Variants in SLC1A2 observed in about 807,000 individuals in gnomAD.
SLC1A2 encodes solute carrier family 1 member 2, also known as excitatory amino acid transporter 2.
SLC1A2 carries 15 observed loss-of-function variants against 48.8 expected under a neutral mutation model. That is an observed-to-expected ratio of 0.31 (90% confidence interval 0.21 to 0.47). The LOEUF (loss-of-function observed/expected upper bound fraction) is 0.47, where lower values mean the gene tolerates loss of function less well. Ranked by LOEUF, SLC1A2 falls within the 20% of genes least tolerant of loss-of-function variation. The pLI is 0.99. For synonymous variants in SLC1A2, 279 were observed against 272.6 expected, an observed-to-expected ratio of 1.02 and a Z score of -0.23; for missense variants, 502 against 730.5, an observed-to-expected ratio of 0.69 and a Z score of 3.61.
chr11:35,347,835 A>G (rs1853096740), intron 1 of SLC1A2, among the ~76,000 whole-genome samples: 1 of 152,216 alleles, frequency 6.6e-6, no homozygotes, highest in Admixed American at 6.5e-5. Flanking sequence ...GGCCTCCAAA[A>G]GAGCTGAGTT....
intron 8 of SLC1A2, chr11:35,281,869 T>C (rs1021647739): frequency 3.9e-5 from 6 of 152,142 alleles, no homozygotes; most frequent in African/African-American, 1.2e-4. Flanking sequence ...TATCCAAGAG[T>C]ACTTTGGAAA....
chr11:35,402,949 C>A (rs1023008114), intron 1 of SLC1A2, among the ~76,000 whole-genome samples: 2 of 152,230 alleles, frequency 1.3e-5, no homozygotes, highest in Non-Finnish European at 2.9e-5. Flanking sequence ...TCACCTGTGG[C>A]TCTATGGAAA....
intron 3 of SLC1A2, among the ~76,000 whole-genome samples, chr11:35,314,785 CTT>C (rs5791048): frequency 1.4e-5 from 2 of 141,050 alleles, no homozygotes; most frequent in Admixed American, 7.1e-5. Context: ...CTTTTCTTTT[CTT>C]TTTTTTTTTT....
intron 9 of SLC1A2, among the ~76,000 whole-genome samples, chr11:35,272,129 G>A (rs192580533): frequency 1.1e-3 from 160 of 152,228 alleles, no homozygotes; most frequent in African/African-American, 3.5e-3. Context: ...GAGGTTGGTG[G>A]GGAAGAAGTA....
chr11:35,290,166 G>T (rs1242852984), intron 7 of SLC1A2, among the ~76,000 whole-genome samples: 1 of 152,130 alleles, frequency 6.6e-6, no homozygotes, highest in East Asian at 1.9e-4. Flanking sequence ...ATCTGGTAAT[G>T]TGCTTCAAAA....
chr11:35,362,849 C>G (rs1923297), intron 1 of SLC1A2, among the ~76,000 whole-genome samples: 6,001 of 152,288 alleles, frequency 0.039, 405 homozygotes, highest in African/African-American at 0.14. Flanking sequence ...GCAGCATCTA[C>G]TCCCCCTTTT....
intron 9 of SLC1A2, among the ~76,000 whole-genome samples, chr11:35,270,442 A>G (rs1044525950): frequency 1.3e-5 from 2 of 152,250 alleles, no homozygotes; most frequent in African/African-American, 4.8e-5. Context: ...AGAAAACATC[A>G]ACTCTAATAG....
At chr11:35,306,563 A>T (rs61880962) in intron 4 of SLC1A2, among the ~76,000 whole-genome samples, 35,737 of 152,122 alleles carry the variant, frequency 0.23, 4,586 homozygotes, top group Admixed American at 0.29. Context: ...AAGGTGTCTA[A>T]CATCTGAGTA....
chr11:35,279,699 C>T (rs544740108), intron 9 of SLC1A2, among the ~76,000 whole-genome samples: 4 of 152,302 alleles, frequency 2.6e-5, no homozygotes, highest in Admixed American at 1.3e-4. Context: ...GACCTAGGGT[C>T]GAATATCTGT....
At chr11:35,282,612 A>G (rs1016447604) in intron 8 of SLC1A2, among the ~76,000 whole-genome samples, 2 of 152,170 alleles carry the variant, frequency 1.3e-5, no homozygotes, top group Non-Finnish European at 2.9e-5. Flanking sequence ...GAAAGCTGGA[A>G]GATGGGAATT....
chr11:35,265,487 A>C, intron 10 of SLC1A2, 40 bp downstream of exon 10: 1 of 1,011,548 alleles, frequency 9.9e-7, no homozygotes, highest in Admixed American at 1.7e-5. Flanking sequence ...AGCATGCACT[A>C]CTATATACAA....
chr11:35,351,647 A>G (rs1180909902), intron 1 of SLC1A2, among the ~76,000 whole-genome samples: 1 of 151,910 alleles, frequency 6.6e-6, no homozygotes, highest in African/African-American at 2.4e-5. Flanking sequence ...TTATTTATTT[A>G]TTTTTTGAGA....
At chr11:35,398,271 C>G (rs950981540) in intron 1 of SLC1A2, among the ~76,000 whole-genome samples, 2 of 152,160 alleles carry the variant, frequency 1.3e-5, no homozygotes, top group African/African-American at 4.8e-5. Flanking sequence ...AGATGCCCAT[C>G]AATGGTGAAG....
In SLC1A2 at chr11:35,260,751, G is replaced by A. The variant is rs1950380974; in HGVS notation, c.*143C>T. 4 of 651,788 alleles carry A rather than the reference G, an allele frequency of 6.1e-6. No individual in the cohort carries two copies. The highest frequency in any genetic ancestry group is 1.1e-5 in the Non-Finnish European group (4 of 366,792). 40.4% of individuals were successfully genotyped at this position (651,788 alleles called of 1,614,324 possible). A position where few individuals can be genotyped will look rare whatever the true frequency, so the allele number is the denominator to read the frequency against. ...TGCCTGTCATCACTGACTCACAAGA[G>A]CTCCTCTAAGCCTCGGCTAACAGAT... is the stretch of plus-strand genomic sequence containing the variant. On this transcript the variant is annotated 3_prime_UTR_variant, in exon 11 of 11. Transcript: ENST00000278379.
At chr11:35,339,484 T>C (rs1312879448) in intron 1 of SLC1A2, among the ~76,000 whole-genome samples, 1 of 152,218 alleles carries the variant, frequency 6.6e-6, no homozygotes, top group African/African-American at 2.4e-5. Flanking sequence ...GGTTAGTGTG[T>C]GGCTCAATGT....
At chr11:35,393,313 T>C (rs1465178451) in intron 1 of SLC1A2, among the ~76,000 whole-genome samples, 1 of 152,148 alleles carries the variant, frequency 6.6e-6, no homozygotes, top group African/African-American at 2.4e-5. Flanking sequence ...TCTGTAAGGA[T>C]CTGTTTAATG....
Position 35,317,476 on chromosome 11 carries a change from C to G in SLC1A2, c.58G>C (p.Asp20His). Residue 20 changes from aspartate (D) to histidine (H), a missense_variant, in exon 2 of 11, where the codon GAC (aspartate) becomes CAC (histidine). Around this residue, in one of 4 missense-constraint regions of SLC1A2, gnomAD observed 89 missense variants for 119.7 expected, o/e 0.74. Coordinates refer to ENST00000278379, the MANE Select transcript of SLC1A2 (RefSeq NM_004171.4). Reference sequence around the variant, plus strand: ...GGTTCCTCTGAGCCAAGATGACTGTCGTGCATTCGCACTTCCACCTGCTTG... The same window carrying G: ...GGTTCCTCTGAGCCAAGATGACTGTGGTGCATTCGCACTTCCACCTGCTTG... Reference protein sequence around the residue: ...MPKQVEVRMHDSHLGSEEPKH... With the variant: ...MPKQVEVRMHHSHLGSEEPKH... The G allele has an allele frequency of 6.2e-7, 1 of 1,614,114 alleles. No individual in the cohort carries two copies. Among genetic ancestry groups the G allele is most frequent in the Non-Finnish European group, 8.5e-7 (1 of 1,180,006 alleles).
chr11:35,360,056 C>A, intron 1 of SLC1A2: 1 of 984,732 alleles, frequency 1.0e-6, no homozygotes, highest in Non-Finnish European at 1.2e-6. Context: ...ACCATTCTCT[C>A]GGCTCCAGGA....
chr11:35,254,616 A>G lies in SLC1A2; in HGVS notation c.*6278T>C, dbSNP rs147338107. 3 of 328,370 alleles carry G rather than the reference A, an allele frequency of 9.1e-6. No individual in the cohort carries two copies. The highest frequency in any genetic ancestry group is 4.4e-5 in the African/African-American group (2 of 45,544). The allele number at this position is 328,370 out of a possible 1,614,324, so 20.3% of individuals were successfully genotyped here. On this transcript the variant is annotated 3_prime_UTR_variant, in exon 11 of 11. Transcript: ENST00000278379. ...CAGAAGGAGTGAGGCTCCGACTGCAACATCTCCATCTCCAGTGAGGATGAT... is the reference window on the plus strand; with the variant it reads ...CAGAAGGAGTGAGGCTCCGACTGCAGCATCTCCATCTCCAGTGAGGATGAT...
Sources: gnomAD v4.1 joint callset for allele counts (sites outside exome capture counted in the v4.1 genomes callset) on GRCh38, gnomAD v4.1.1 for gene constraint, gnomAD v4.1.1 regional missense constraint, MANE v1.5 for transcripts, NCBI Gene and HGNC (gene_info 2026-07-23, HGNC 2026-07-21) for gene names.